Variants in SYT16 observed in about 807,000 individuals in gnomAD.
SYT16 encodes the protein synaptotagmin-16.
Under a neutral mutation model 61.4 loss-of-function variants are expected in SYT16, and 42 were observed. That is an observed-to-expected ratio of 0.68 (90% CI 0.53 to 0.89). The LOEUF (loss-of-function observed/expected upper bound fraction) is 0.89, where lower values mean the gene tolerates loss of function less well. Ranked by LOEUF, SYT16 falls within the 40% of genes least tolerant of loss-of-function variation. SYT16 has a pLI of 0.00. For missense variants in SYT16, 804 were observed against 807.3 expected (o/e 1.00, Z 0.05); for synonymous variants, 314 against 302.3 (o/e 1.04, Z -0.40).
At chr14:61,944,278 G>A (rs959710482) in intron 1 of SYT16, among the ~76,000 whole-genome samples, 7 of 152,136 alleles carry the variant, frequency 4.6e-5, no homozygotes, top group Non-Finnish European at 2.9e-5. Context: ...TGGATAGGAA[G>A]AATTAATATT....
At chr14:61,932,344 G>T (rs1443140510) in intron 1 of SYT16, among the ~76,000 whole-genome samples, 1 of 152,226 alleles carries the variant, frequency 6.6e-6, no homozygotes, top group Non-Finnish European at 1.5e-5. Context: ...CTGCTATAAA[G>T]AACTGCCTGA....
chr14:61,916,228 T>C lies in SYT16; in HGVS notation c.-324-53904T>C, dbSNP rs2049115377. ...TTTCTTTTGTGGAGCAAAATTTGGA[T>C]TTCAGTCTTTGTTCAGGAAATATCC... On this transcript the variant is annotated intron_variant, in intron 1 of 7. Transcript: ENST00000683842. Among the ~76,000 whole-genome samples the C allele has an allele frequency of 2.6e-5, 4 of 152,310 alleles. No individual in the cohort carries two copies. The South Asian group carries it at 8.3e-4, about 32-fold the overall frequency.
At chr14:61,932,599 C>T (rs895667240) in intron 1 of SYT16, among the ~76,000 whole-genome samples, 1 of 152,148 alleles carries the variant, frequency 6.6e-6, no homozygotes, top group African/African-American at 2.4e-5. Context: ...TCACTTCCTA[C>T]CGGTTCCTTC....
At chr14:61,998,796 G>T (rs1398565505) in intron 3 of SYT16, among the ~76,000 whole-genome samples, 1 of 151,814 alleles carries the variant, frequency 6.6e-6, no homozygotes, top group Non-Finnish European at 1.5e-5. Context: ...TTAGGTGCAG[G>T]CTTCTGTAGA....
At chr14:62,049,099 G>T (rs1391007147) in intron 3 of SYT16, among the ~76,000 whole-genome samples, 1 of 152,156 alleles carries the variant, frequency 6.6e-6, no homozygotes, top group Admixed American at 6.5e-5. Flanking sequence ...CATTATTTTT[G>T]TGTGGGAGTC....
At chr14:61,838,050 G>C (rs1027506805) in intron 1 of SYT16, among the ~76,000 whole-genome samples, 15 of 152,208 alleles carry the variant, frequency 9.9e-5, no homozygotes, top group African/African-American at 3.6e-4. Context: ...TTCAAAGCAA[G>C]AATAGGTCAA....
In SYT16 at chr14:61,824,446, G is replaced by A. The variant is rs556599193; in HGVS notation, c.-325+11636G>A. On this transcript the variant is annotated intron_variant, in intron 1 of 7. Transcript: ENST00000683842. ...CGGCTCACTGCAACCTCCACCTCCC[G>A]GGTTCACACCATTCTCCTGCCTCAG... Among the ~76,000 whole-genome samples the A allele has an allele frequency of 3.3e-5, 5 of 152,074 alleles. No homozygotes were observed. The South Asian group carries it at 6.2e-4, about 19-fold the overall frequency.
intron 1 of SYT16, among the ~76,000 whole-genome samples, chr14:61,814,235 C>T (rs1224404996): frequency 2.0e-5 from 3 of 152,160 alleles, no homozygotes; most frequent in Non-Finnish European, 2.9e-5. Flanking sequence ...ATTTCCCTTT[C>T]CTCAGCTCTG....
intron 1 of SYT16, among the ~76,000 whole-genome samples, chr14:61,815,503 C>A (rs1010198459): frequency 6.6e-6 from 1 of 152,090 alleles, no homozygotes; most frequent in East Asian, 1.9e-4. Context: ...TCCAGAAAGA[C>A]CTTCTATATG....
chr14:62,064,428 T>C (rs865779339), intron 3 of SYT16, among the ~76,000 whole-genome samples: 7 of 151,460 alleles, frequency 4.6e-5, no homozygotes, highest in Non-Finnish European at 7.4e-5. Flanking sequence ...AGACTTTAGA[T>C]TGGTGCTTGT....
intron 1 of SYT16, among the ~76,000 whole-genome samples, chr14:61,820,480 T>TTG (rs2045582545): frequency 7.5e-6 from 1 of 133,094 alleles, no homozygotes. Flanking sequence ...TTTTTTTTTT[T>TTG]TTTTTTTTTT....
chr14:61,947,157 T>C (rs187269320), intron 1 of SYT16, among the ~76,000 whole-genome samples: 114 of 152,162 alleles, frequency 7.5e-4, no homozygotes, highest in African/African-American at 2.6e-3. Flanking sequence ...CAGAGAATGG[T>C]AAAGCCAGTA....
At chr14:62,069,377 G>A in intron 3 of SYT16, 1 of 553,486 alleles carries the variant, frequency 1.8e-6, no homozygotes, top group Admixed American at 3.2e-5. Flanking sequence ...GATTTGTCTT[G>A]GGTTCTAGCT....
At position 62,100,576 on chromosome 14, in the gene SYT16, C is replaced by A; in HGVS notation, c.1807C>A (p.Arg603Ser). 1 of 1,613,656 alleles carries A rather than the reference C, an allele frequency of 6.2e-7. No homozygotes were observed. Among genetic ancestry groups the A allele is most frequent in the Non-Finnish European group, 8.5e-7 (1 of 1,179,814 alleles). ...ISVYNRRTMK[R>S]KEMIGWIALG... ...CGTTTATAACAGGCGTACTATGAAGCGTAAAGAGATGATTGGCTGGATTGC... is the reference window on the plus strand; with the variant it reads ...CGTTTATAACAGGCGTACTATGAAGAGTAAAGAGATGATTGGCTGGATTGC... Residue 603 changes from arginine to serine, a missense_variant, in exon 8 of 8, where the codon CGT becomes AGT. Physicochemically the swap from Arg to Ser is moderately radical, Grantham distance 110 (BLOSUM62 -1). Coordinates refer to ENST00000683842, the MANE Select transcript of SYT16 (RefSeq NM_001367656.1).
intron 3 of SYT16, among the ~76,000 whole-genome samples, chr14:62,065,776 T>C (rs1038532768): frequency 6.6e-6 from 1 of 152,186 alleles, no homozygotes; most frequent in Admixed American, 6.5e-5. Flanking sequence ...TTGATTTTGT[T>C]CCTGTTGTCC....
At chr14:61,963,421 G>A (rs935966049) in intron 1 of SYT16, among the ~76,000 whole-genome samples, 1 of 152,184 alleles carries the variant, frequency 6.6e-6, no homozygotes. Flanking sequence ...ATATGGAGAA[G>A]GTTTTAGTGG....
At chr14:61,855,265 A>G (rs930915346) in intron 1 of SYT16, among the ~76,000 whole-genome samples, 3 of 152,184 alleles carry the variant, frequency 2.0e-5, no homozygotes, top group African/African-American at 4.8e-5. Flanking sequence ...CTATTGGTGG[A>G]TTAATTAGAC....
intron 3 of SYT16, among the ~76,000 whole-genome samples, chr14:62,013,446 G>T (rs2053545284): frequency 6.6e-6 from 1 of 152,154 alleles, no homozygotes. Flanking sequence ...ACATTCCTAG[G>T]TCGAGTTTAA....
At chr14:62,042,865 A>T (rs1310093902) in intron 3 of SYT16, among the ~76,000 whole-genome samples, 1 of 152,126 alleles carries the variant, frequency 6.6e-6, no homozygotes, top group Non-Finnish European at 1.5e-5. Context: ...AATTTTCTCT[A>T]GGGAGCCAGC....
Sources: gnomAD v4.1 joint callset for allele counts (sites outside exome capture counted in the v4.1 genomes callset) on GRCh38, gnomAD v4.1.1 for gene constraint, MANE v1.5 for transcripts, NCBI Gene and HGNC (gene_info 2026-07-23, HGNC 2026-07-21) for gene names.